The following PCDHA13 variants were observed in gnomAD, a reference collection of about 807,000 sequenced individuals.
PCDHA13 encodes the protein protocadherin alpha 13.
PCDHA13 carries 54 observed loss-of-function variants against 64.8 expected under a neutral mutation model. The observed-to-expected ratio is 0.83, with a 90% confidence interval of 0.67 to 1.04. The LOEUF is 1.04. Among genes scored for constraint, PCDHA13 ranks in the 50% least tolerant of loss-of-function variants. The pLI is 0.00. For synonymous variants in PCDHA13, 587 were observed against 564.4 expected (o/e 1.04, Z -0.57); for missense variants, 1,248 against 1,254.3 (o/e 0.99, Z 0.08).
chr5:140,989,686 C>T (rs534780216), intron 3 of PCDHA13, among the ~76,000 whole-genome samples: 2 of 152,254 alleles, frequency 1.3e-5, no homozygotes, highest in African/African-American at 4.8e-5. Flanking sequence ...TTCAAAGGAA[C>T]GTGAAAATTT....
At chr5:140,979,399 G>T (rs1352440599) in intron 2 of PCDHA13, among the ~76,000 whole-genome samples, 1 of 151,708 alleles carries the variant, frequency 6.6e-6, no homozygotes. Flanking sequence ...CATACATGTT[G>T]TCTACCTTGT....
intron 1 of PCDHA13, among the ~76,000 whole-genome samples, chr5:140,959,419 A>G (rs1554224077): frequency 2.0e-5 from 3 of 152,150 alleles, no homozygotes; most frequent in Non-Finnish European, 4.4e-5. Context: ...TTGATCTGAG[A>G]ATTTGTGTAT....
intron 1 of PCDHA13, among the ~76,000 whole-genome samples, chr5:140,924,894 C>CAAAAAAA (rs782133089): frequency 2.8e-5 from 2 of 71,470 alleles, no homozygotes; most frequent in African/African-American, 8.5e-5. Flanking sequence ...GAACCTGTCT[C>CAAAAAAA]AAAAAAAAAA....
Position 140,883,754 on chromosome 5 carries a change from G to C in PCDHA13, c.1486G>C (p.Glu496Gln). 3.1e-6 allele frequency: 5 copies of C among 1,613,118 alleles called. No homozygotes were observed. Among genetic ancestry groups the C allele is most frequent in the Non-Finnish European group, 4.2e-6 (5 of 1,179,804 alleles). The change falls in exon 1 of 4, where the codon GAG becomes CAG. Residue 496 changes from glutamate to glutamine, a missense_variant. Coordinates refer to ENST00000289272, the MANE Select transcript of PCDHA13 (RefSeq NM_018904.3). ...CGCGCTGGTCTCCTACTCGCTGGTG[G>C]AGCGGCGGGTGGGCGAGCGTGCGCT... ...ENALVSYSLV[E>Q]RRVGERALSS...
At chr5:140,892,702 A>G (rs1391662001) in intron 1 of PCDHA13, among the ~76,000 whole-genome samples, 1 of 152,240 alleles carries the variant, frequency 6.6e-6, no homozygotes, top group Admixed American at 6.5e-5. Flanking sequence ...AAATCAGGGT[A>G]ATTAGCATAT....
Position 140,941,218 on chromosome 5 carries a change from T to C in PCDHA13, c.2395-37731T>C, listed in dbSNP as rs552463058. ...TTCTTTCTTCCTTTCTTTCTTCCTT[T>C]CTTTCTTTCTTTCTTTCTTTCTTTC... On this transcript the variant is annotated intron_variant, in intron 1 of 3. Transcript: ENST00000289272. 5.6e-5 allele frequency among the ~76,000 whole-genome samples: 7 copies of C among 125,730 alleles called. No homozygotes were observed. In the South Asian group the frequency reaches 7.6e-4, roughly 14 times the overall value. 82.5% of individuals were successfully genotyped at this position (125,730 alleles called of 152,430 possible). A position where few individuals can be genotyped will look rare whatever the true frequency, so the allele number is the denominator to read the frequency against.
At chr5:141,004,258 A>C (rs1164603441) in intron 3 of PCDHA13, among the ~76,000 whole-genome samples, 1 of 152,232 alleles carries the variant, frequency 6.6e-6, no homozygotes, top group Non-Finnish European at 1.5e-5. Flanking sequence ...TTTTACTGGA[A>C]TGAGTCACAG....
chr5:140,928,697 G>C, intron 1 of PCDHA13: 9 of 1,614,124 alleles, frequency 5.6e-6, no homozygotes, highest in Non-Finnish European at 5.9e-6. Context: ...CACATCTCCC[G>C]GGCGTCTGAC....
intron 1 of PCDHA13, among the ~76,000 whole-genome samples, chr5:140,885,682 A>G (rs1367880744): frequency 6.6e-6 from 1 of 152,194 alleles, no homozygotes; most frequent in Non-Finnish European, 1.5e-5. Flanking sequence ...TTCTATCTCA[A>G]GAAGCAATAG....
intron 1 of PCDHA13, chr5:140,929,032 T>C (rs781951889): frequency 1.9e-6 from 3 of 1,614,236 alleles, no homozygotes; most frequent in East Asian, 2.2e-5. Flanking sequence ...CCCAGGCTGT[T>C]GCGCTCAGAG....
chr5:140,978,778 T>C, intron 1 of PCDHA13, 171 bp from the exon 2 acceptor site: 1 of 968,888 alleles, frequency 1.0e-6, no homozygotes, highest in Non-Finnish European at 1.2e-6. Context: ...CTAATTTTCT[T>C]CTAAAGTGCT....
At chr5:140,972,925 G>T (rs1297920795) in intron 1 of PCDHA13, among the ~76,000 whole-genome samples, 1 of 152,120 alleles carries the variant, frequency 6.6e-6, no homozygotes, top group Non-Finnish European at 1.5e-5. Context: ...GCCTCCCAAA[G>T]TGCTGGGATT....
chr5:140,995,526 A>G (rs1241973159), intron 3 of PCDHA13, among the ~76,000 whole-genome samples: 1 of 152,244 alleles, frequency 6.6e-6, no homozygotes, highest in Non-Finnish European at 1.5e-5. Context: ...TCAGAAATCA[A>G]ACCTCAAATA....
chr5:140,887,838 T>C (rs1434293324), intron 1 of PCDHA13, among the ~76,000 whole-genome samples: 1 of 152,210 alleles, frequency 6.6e-6, no homozygotes. Context: ...TGAATATCTT[T>C]TATTGACATA....
chr5:140,998,679 C>G (rs969303770), intron 3 of PCDHA13, among the ~76,000 whole-genome samples: 1 of 152,136 alleles, frequency 6.6e-6, no homozygotes, highest in Non-Finnish European at 1.5e-5. Flanking sequence ...ATTCTCCTGC[C>G]TCAGCCTCCC....
At chr5:140,912,679 T>G (rs367681467) in intron 1 of PCDHA13, among the ~76,000 whole-genome samples, 3 of 152,334 alleles carry the variant, frequency 2.0e-5, no homozygotes, top group South Asian at 4.1e-4. Context: ...CCTTGACTTA[T>G]TCCAGGTCTC....
At chr5:140,954,832 A>G (rs2095096599) in intron 1 of PCDHA13, among the ~76,000 whole-genome samples, 1 of 152,208 alleles carries the variant, frequency 6.6e-6, no homozygotes, top group Admixed American at 6.5e-5. Flanking sequence ...CACTTTTGTC[A>G]TGAAATCTTT....
chr5:140,889,108 T>C (rs553126619), intron 1 of PCDHA13, among the ~76,000 whole-genome samples: 3 of 151,936 alleles, frequency 2.0e-5, no homozygotes, highest in Admixed American at 1.3e-4. Context: ...TCATCTTTAT[T>C]CCAGGTGATA....
At chr5:140,895,143 A>T (rs115893558) in intron 1 of PCDHA13, among the ~76,000 whole-genome samples, 1 of 152,158 alleles carries the variant, frequency 6.6e-6, no homozygotes, top group African/African-American at 2.4e-5. Flanking sequence ...CATAGGGCTA[A>T]GACAGGTTTA....
Sources: allele counts gnomAD v4.1 joint callset (sites outside exome capture counted in the v4.1 genomes callset), GRCh38; gene constraint gnomAD v4.1.1; transcripts MANE v1.5; gene names NCBI Gene and HGNC (gene_info 2026-07-23, HGNC 2026-07-21).